SLC24A4: variants seen among roughly 807,000 people sequenced by gnomAD.
SLC24A4 encodes the protein sodium/potassium/calcium exchanger 4.
A neutral mutation model predicts 79.0 loss-of-function variants in SLC24A4; 53 were observed. The ratio of observed to expected loss-of-function variants is 0.67; its 90% confidence interval spans 0.54 to 0.84. The LOEUF (loss-of-function observed/expected upper bound fraction) is 0.84, where lower values mean the gene tolerates loss of function less well. Ranked by LOEUF, SLC24A4 falls within the 40% of genes least tolerant of loss-of-function variation. The pLI is 0.00. For synonymous variants in SLC24A4, 323 were observed against 323.8 expected (o/e 1.00, Z 0.03); for missense variants, 731 against 822.0 (o/e 0.89, Z 1.35).
intron 12 of SLC24A4, among the ~76,000 whole-genome samples, chr14:92,461,552 G>T (rs1293276733): frequency 6.6e-6 from 1 of 152,162 alleles, no homozygotes; most frequent in African/African-American, 2.4e-5. Flanking sequence ...TTGTTTGTTT[G>T]TTTGGTGCAT....
intron 2 of SLC24A4, among the ~76,000 whole-genome samples, chr14:92,352,129 G>C (rs1301694500): frequency 1.3e-5 from 2 of 152,140 alleles, no homozygotes; most frequent in Non-Finnish European, 2.9e-5. Flanking sequence ...CTGACCACTA[G>C]GGAAAAGTAG....
chr14:92,436,806 T>G (rs1370068701), intron 3 of SLC24A4, among the ~76,000 whole-genome samples: 1 of 152,178 alleles, frequency 6.6e-6, no homozygotes, highest in Non-Finnish European at 1.5e-5. Context: ...GGAGGTGATG[T>G]TGGTGGGGAT....
At chr14:92,472,323 A>T (rs1313964797) in intron 12 of SLC24A4, among the ~76,000 whole-genome samples, 1 of 152,068 alleles carries the variant, frequency 6.6e-6, no homozygotes, top group Non-Finnish European at 1.5e-5. Flanking sequence ...TTTAGTGGTG[A>T]TTTGTGAGAT....
chr14:92,440,255 C>T (rs1194258529), intron 4 of SLC24A4, among the ~76,000 whole-genome samples: 2 of 152,174 alleles, frequency 1.3e-5, no homozygotes, highest in African/African-American at 4.8e-5. Flanking sequence ...CTCCCCTTAC[C>T]CCACATCCCC....
At chr14:92,333,447 G>A (rs976244844) in intron 2 of SLC24A4, among the ~76,000 whole-genome samples, 4 of 152,114 alleles carry the variant, frequency 2.6e-5, no homozygotes, top group Non-Finnish European at 4.4e-5. Flanking sequence ...GACCCCTTTT[G>A]GTTTGGGTTT....
At chr14:92,367,032 A>C (rs375614317) in intron 2 of SLC24A4, among the ~76,000 whole-genome samples, 1 of 152,182 alleles carries the variant, frequency 6.6e-6, no homozygotes, top group Admixed American at 6.5e-5. Context: ...GGGACGTTCC[A>C]GAAGCGGAGT....
intron 2 of SLC24A4, among the ~76,000 whole-genome samples, chr14:92,373,198 A>G (rs61975594): frequency 1.2e-4 from 6 of 49,328 alleles, no homozygotes; most frequent in Non-Finnish European, 2.0e-4. Context: ...ACACACGCAC[A>G]CACACACACA....
chr14:92,351,215 C>T (rs1886841163), intron 2 of SLC24A4, among the ~76,000 whole-genome samples: 1 of 151,414 alleles, frequency 6.6e-6, no homozygotes, highest in Non-Finnish European at 1.5e-5. Flanking sequence ...CTCTCTCTCT[C>T]TTTCACACAC....
intron 12 of SLC24A4, among the ~76,000 whole-genome samples, chr14:92,460,725 C>A (rs1295259143): frequency 1.3e-5 from 2 of 152,182 alleles, no homozygotes; most frequent in Non-Finnish European, 2.9e-5. Context: ...GAGCAGATGA[C>A]CACACAATGT....
At chr14:92,358,091 T>C (rs895918723) in intron 2 of SLC24A4, among the ~76,000 whole-genome samples, 14 of 152,136 alleles carry the variant, frequency 9.2e-5, no homozygotes, top group African/African-American at 3.1e-4. Flanking sequence ...GACAGGGAAA[T>C]TAAAGTTGGT....
At chr14:92,468,238 C>CA (rs1894229125) in intron 12 of SLC24A4, among the ~76,000 whole-genome samples, 1 of 152,112 alleles carries the variant, frequency 6.6e-6, no homozygotes, top group South Asian at 2.1e-4. Flanking sequence ...TGCTGAATTA[C>CA]AAAACATTGT....
chr14:92,434,813 G>T (rs140837561), intron 3 of SLC24A4, among the ~76,000 whole-genome samples: 1 of 152,046 alleles, frequency 6.6e-6, no homozygotes, highest in South Asian at 2.1e-4. Flanking sequence ...TCGCTCTGTC[G>T]CCCAGGCTGG....
At chr14:92,448,908 A>G (rs1368632593) in intron 9 of SLC24A4, among the ~76,000 whole-genome samples, 166 bp from the exon 10 acceptor site, 1 of 152,190 alleles carries the variant, frequency 6.6e-6, no homozygotes, top group Non-Finnish European at 1.5e-5. Flanking sequence ...GGTCCCTGTC[A>G]GGAAACTGTC....
At chr14:92,420,214 G>C (rs1002969645) in intron 2 of SLC24A4, among the ~76,000 whole-genome samples, 1 of 152,224 alleles carries the variant, frequency 6.6e-6, no homozygotes, top group Admixed American at 6.5e-5. Context: ...GGGCACGGTG[G>C]TTCACACCTG....
Position 92,493,734 on chromosome 14 carries a change from G to A in SLC24A4, c.*106G>A. ...GGTCTCTCCTGCATAGGCAGCCACT[G>A]TCCGTTCTTTCACACACTGGAAGGA... is the stretch of plus-strand genomic sequence containing the variant. On this transcript the variant is annotated 3_prime_UTR_variant, in exon 17 of 17. Transcript: ENST00000532405. 1 of 1,323,806 alleles carries A rather than the reference G, an allele frequency of 7.6e-7. No individual in the cohort carries two copies. The highest frequency in any genetic ancestry group is 1.0e-6 in the Non-Finnish European group (1 of 969,648). 82.0% of individuals were successfully genotyped at this position (1,323,806 alleles called of 1,614,324 possible).
intron 2 of SLC24A4, among the ~76,000 whole-genome samples, chr14:92,334,877 ATCATCATCATCG>A (rs1885688689): frequency 6.6e-6 from 1 of 151,646 alleles, no homozygotes; most frequent in Non-Finnish European, 1.5e-5. Flanking sequence ...CATCATCATC[ATCATCATCATCG>A]TCATCATCAT....
chr14:92,440,858 A>G (rs28610089), intron 4 of SLC24A4, among the ~76,000 whole-genome samples: 3,217 of 150,386 alleles, frequency 0.021, 100 homozygotes, highest in African/African-American at 0.068. Context: ...GCAGAGAGGG[A>G]AGGGAAGGGA....
At chr14:92,391,433 C>T (rs1427919289) in intron 2 of SLC24A4, among the ~76,000 whole-genome samples, 1 of 152,186 alleles carries the variant, frequency 6.6e-6, no homozygotes, top group Non-Finnish European at 1.5e-5. Context: ...TGCTCCAGCA[C>T]CCATCATGCA....
intron 2 of SLC24A4, among the ~76,000 whole-genome samples, chr14:92,344,247 G>A (rs1345527392): frequency 1.3e-5 from 2 of 152,214 alleles, no homozygotes; most frequent in Non-Finnish European, 2.9e-5. Context: ...CATGAGGATG[G>A]TGTGTTCTAG....
Sources: allele counts gnomAD v4.1 joint callset (sites outside exome capture counted in the v4.1 genomes callset), GRCh38; gene constraint gnomAD v4.1.1; transcripts MANE v1.5; gene names NCBI Gene and HGNC (gene_info 2026-07-23, HGNC 2026-07-21).